The following CDH18 variants were observed in gnomAD, a reference collection of about 807,000 sequenced individuals.
The protein encoded by CDH18 is cadherin 18.
In CDH18, 31 loss-of-function variants were observed where a neutral mutation model predicts 67.9. The observed-to-expected ratio is 0.46, with a 90% CI of 0.34 to 0.62. CDH18 has a LOEUF of 0.62. CDH18 is among the 20% of genes least tolerant of loss of function. The probability of loss-of-function intolerance (pLI) is 0.01; values close to 1 mark genes in which losing one functional copy is unlikely to be tolerated. For synonymous variants in CDH18, 362 were observed against 347.2 expected (o/e 1.04, Z -0.48); for missense variants, 890 against 975.5 (o/e 0.91, Z 1.17).
intron 2 of CDH18, among the ~76,000 whole-genome samples, chr5:20,093,331 G>T: frequency 6.8e-6 from 1 of 147,240 alleles, no homozygotes; most frequent in Non-Finnish European, 1.5e-5. Flanking sequence ...TTGAGACTGA[G>T]TTAAACAATA....
intron 5 of CDH18, among the ~76,000 whole-genome samples, chr5:19,627,003 A>G (rs77033364): frequency 5.3e-4 from 81 of 152,314 alleles, no homozygotes; most frequent in Admixed American, 1.2e-3. Context: ...GTGTTACTAT[A>G]TTTTACCATT....
At chr5:19,878,835 T>C (rs1399807357) in intron 2 of CDH18, among the ~76,000 whole-genome samples, 3 of 152,190 alleles carry the variant, frequency 2.0e-5, no homozygotes, top group East Asian at 3.9e-4. Flanking sequence ...TCTTTTTTTG[T>C]GTGTCACAAA....
chr5:20,180,058 T>C (rs1737562068), intron 2 of CDH18, among the ~76,000 whole-genome samples: 1 of 152,166 alleles, frequency 6.6e-6, no homozygotes, highest in Non-Finnish European at 1.5e-5. Flanking sequence ...GTAAAGACAA[T>C]GCCAGGTTGG....
At chr5:20,103,172 CA>C (rs1746622489) in intron 2 of CDH18, among the ~76,000 whole-genome samples, 1 of 152,128 alleles carries the variant, frequency 6.6e-6, no homozygotes, top group Non-Finnish European at 1.5e-5. Context: ...CATCCCTTGT[CA>C]AATTGTTGTC....
intron 2 of CDH18, among the ~76,000 whole-genome samples, chr5:19,972,254 G>C (rs1358437836): frequency 6.6e-6 from 1 of 151,850 alleles, no homozygotes; most frequent in Non-Finnish European, 1.5e-5. Context: ...TTAGCATCTT[G>C]AAATAAATAT....
intron 2 of CDH18, among the ~76,000 whole-genome samples, chr5:20,219,228 A>G (rs1741024533): frequency 6.6e-6 from 1 of 151,996 alleles, no homozygotes; most frequent in South Asian, 2.1e-4. Context: ...TGGAAAACTT[A>G]GAAGAAATGG....
intron 1 of CDH18, among the ~76,000 whole-genome samples, chr5:20,349,030 A>G (rs1466728550): frequency 6.6e-6 from 1 of 152,182 alleles, no homozygotes; most frequent in Non-Finnish European, 1.5e-5. Context: ...TTAAAGAAAA[A>G]CATTACTCAT....
intron 2 of CDH18, among the ~76,000 whole-genome samples, chr5:20,050,092 T>C (rs1442765889): frequency 2.0e-5 from 3 of 151,848 alleles, no homozygotes; most frequent in Non-Finnish European, 2.9e-5. Context: ...AAAAGTGGTA[T>C]GTGATCTAAT....
Position 19,840,193 on chromosome 5 carries a change from G to A in CDH18, c.-256-951C>T, listed in dbSNP as rs193100806. Among the ~76,000 whole-genome samples the A allele has an allele frequency of 1.7e-3, 257 of 150,874 alleles. 3 individuals carry two copies. The highest frequency in any genetic ancestry group is 5.0e-3 in the African/African-American group (206 of 41,066). On this transcript the variant is annotated intron_variant, in intron 2 of 12. Coordinates refer to ENST00000382275, the MANE Select transcript of CDH18 (RefSeq NM_004934.5). ...TAAGGCAGGAAAATGGCGTGAACCC[G>A]GGAGGTGGAGCTTGCAGTAAGCCTA... is the stretch of plus-strand genomic sequence containing the variant.
At chr5:19,553,262 T>C (rs1737786015) in intron 8 of CDH18, among the ~76,000 whole-genome samples, 1 of 152,180 alleles carries the variant, frequency 6.6e-6, no homozygotes, top group Admixed American at 6.5e-5. Context: ...CAGTGGCACT[T>C]ATTTTCATTA....
Position 20,469,556 on chromosome 5 carries a change from C to T in CDH18, c.-580+105906G>A, listed in dbSNP as rs192885811. On this transcript the variant is annotated intron_variant, in intron 1 of 14. Transcript: ENST00000507958. ...CACAAGTTTGCTGTAACGGATACCCCGATCTTCCTTGAGGATACTTCTTGC... is the reference window on the plus strand; with the variant it reads ...CACAAGTTTGCTGTAACGGATACCCTGATCTTCCTTGAGGATACTTCTTGC... Among the ~76,000 whole-genome samples the T allele has an allele frequency of 4.4e-3, 677 of 152,202 alleles. 6 individuals are homozygous for T. Among genetic ancestry groups the T allele is most frequent in the Non-Finnish European group, 5.5e-3 (373 of 68,008 alleles).
At chr5:19,942,955 A>C (rs1794963631) in intron 2 of CDH18, among the ~76,000 whole-genome samples, 1 of 152,148 alleles carries the variant, frequency 6.6e-6, no homozygotes, top group Non-Finnish European at 1.5e-5. Flanking sequence ...TCGGGGGCTA[A>C]GGCTGTCTTC....
At chr5:20,285,211 C>G (rs1163369631) in intron 1 of CDH18, among the ~76,000 whole-genome samples, 2 of 151,140 alleles carry the variant, frequency 1.3e-5, no homozygotes, top group African/African-American at 4.8e-5. Context: ...CAATTATACT[C>G]TTTTTCAAAG....
At chr5:19,888,046 C>T (rs1788409176) in intron 2 of CDH18, among the ~76,000 whole-genome samples, 1 of 152,238 alleles carries the variant, frequency 6.6e-6, no homozygotes, top group East Asian at 1.9e-4. Flanking sequence ...GTTCTAATCT[C>T]TCCATTCTAT....
chr5:19,884,620 G>A (rs947740794), intron 2 of CDH18, among the ~76,000 whole-genome samples: 2 of 151,590 alleles, frequency 1.3e-5, no homozygotes, highest in Non-Finnish European at 2.9e-5. Flanking sequence ...TAATATAAAT[G>A]TTTTACATAC....
At chr5:20,571,839 CTTCT>C (rs1416283242) in intron 1 of CDH18, among the ~76,000 whole-genome samples, 5 of 152,162 alleles carry the variant, frequency 3.3e-5, no homozygotes, top group African/African-American at 1.2e-4. Flanking sequence ...GTGTATGTCA[CTTCT>C]TTCTCTTTCC....
At chr5:20,231,821 A>G (rs1742100274) in intron 2 of CDH18, among the ~76,000 whole-genome samples, 1 of 152,118 alleles carries the variant, frequency 6.6e-6, no homozygotes, top group South Asian at 2.1e-4. Flanking sequence ...TTGGTTTCAG[A>G]TTAAGACAAT....
At chr5:20,441,389 T>C (rs1442443084) in intron 1 of CDH18, among the ~76,000 whole-genome samples, 1 of 151,826 alleles carries the variant, frequency 6.6e-6, no homozygotes, top group Non-Finnish European at 1.5e-5. Flanking sequence ...TGTTTTCACG[T>C]GTGTGTAAAC....
chr5:19,625,459 CA>C (rs201476178), intron 5 of CDH18, among the ~76,000 whole-genome samples: 5 of 148,758 alleles, frequency 3.4e-5, no homozygotes, highest in Non-Finnish European at 6.0e-5. Context: ...TGAGTGATTA[CA>C]AAAAAAAAGC....
Sources: gnomAD v4.1 joint callset for allele counts (sites outside exome capture counted in the v4.1 genomes callset) on GRCh38, gnomAD v4.1.1 for gene constraint, MANE v1.5 for transcripts, NCBI Gene and HGNC (gene_info 2026-07-23, HGNC 2026-07-21) for gene names.